Variants in SND1 observed in about 807,000 individuals in gnomAD.
SND1 encodes the protein staphylococcal nuclease and tudor domain containing 1, also known as staphylococcal nuclease domain-containing protein 1.
A neutral mutation model predicts 121.7 loss-of-function variants in SND1; 38 were observed. The observed-to-expected ratio is 0.31, with a 90% CI of 0.24 to 0.41. The LOEUF (loss-of-function observed/expected upper bound fraction) is 0.41, where lower values mean the gene tolerates loss of function less well. Ranked by LOEUF, SND1 falls within the 10% of genes least tolerant of loss-of-function variation. SND1 has a pLI of 1.00. For synonymous variants in SND1, 401 were observed against 447.4 expected (o/e 0.90, Z 1.31); for missense variants, 868 against 1,184.6 (o/e 0.73, Z 3.92).
intron 16 of SND1, among the ~76,000 whole-genome samples, chr7:128,034,561 C>T (rs746880247): frequency 7.2e-5 from 11 of 152,212 alleles, no homozygotes; most frequent in Non-Finnish European, 1.5e-4. Flanking sequence ...GTCTGTTCAG[C>T]TCCAGGCTCC....
At chr7:127,859,502 G>A (rs1304236902) in intron 12 of SND1, among the ~76,000 whole-genome samples, 1 of 152,148 alleles carries the variant, frequency 6.6e-6, no homozygotes, top group Admixed American at 6.5e-5. Context: ...AGAATTCTCA[G>A]GGTCGTGTTC....
chr7:127,705,068 G>A, intron 8 of SND1, 123 bp downstream of exon 8: 2 of 770,650 alleles, frequency 2.6e-6, no homozygotes, highest in Non-Finnish European at 4.5e-6. Context: ...AAAGGAGTAG[G>A]GCAGTTCCTT....
chr7:127,992,322 C>T (rs1024231202), intron 16 of SND1, among the ~76,000 whole-genome samples: 14 of 152,170 alleles, frequency 9.2e-5, no homozygotes, highest in African/African-American at 2.9e-4. Context: ...AAAATAACCC[C>T]GTGCAAGAGA....
rs576561221 is a variant in SND1 at position 127,920,401 on chromosome 7, G to A, written c.1528-8787G>A. 9.8e-5 allele frequency among the ~76,000 whole-genome samples: 15 copies of A among 152,290 alleles called. No individual in the cohort carries two copies. The South Asian group carries it at 3.1e-3, about 32-fold the overall frequency. On this transcript the variant is annotated intron_variant, in intron 14 of 23. Transcript: ENST00000354725. ...GAATCCTAGCAAGCCACCCTGCAGA[G>A]GTCGCAGGAGGATGGAAGAACTCTT...
Position 128,075,157 on chromosome 7 carries a change from A to G in SND1, c.1968+467A>G, listed in dbSNP as rs570891124. On this transcript the variant is annotated intron_variant, in intron 17 of 23. Transcript: ENST00000354725. Reference sequence around the variant, plus strand: ...CTCTAGCTGTTAGGACAAGAGATTTATAGCCCATCAGTCTCTGTGGGCACC... The same window carrying G: ...CTCTAGCTGTTAGGACAAGAGATTTGTAGCCCATCAGTCTCTGTGGGCACC... Among the ~76,000 whole-genome samples the G allele has an allele frequency of 3.3e-5, 5 of 152,334 alleles. No homozygotes were observed. The South Asian group carries it at 8.3e-4, about 25-fold the overall frequency.
At chr7:127,726,898 C>T (rs1250871646) in intron 10 of SND1, among the ~76,000 whole-genome samples, 1 of 152,164 alleles carries the variant, frequency 6.6e-6, no homozygotes, top group Non-Finnish European at 1.5e-5. Flanking sequence ...CTGTCTCTCC[C>T]ATTCTCTGTC....
At chr7:127,748,112 A>C (rs367752147) in intron 10 of SND1, among the ~76,000 whole-genome samples, 10 of 152,208 alleles carry the variant, frequency 6.6e-5, no homozygotes, top group Non-Finnish European at 1.2e-4. Context: ...AACTTGCATG[A>C]AAATAGGATA....
At chr7:127,701,345 A>G in intron 5 of SND1, 22 bp downstream of exon 5, 4 of 1,608,468 alleles carry the variant, frequency 2.5e-6, no homozygotes, top group East Asian at 4.5e-5. Flanking sequence ...GGGAACAGAC[A>G]GATACGACTC....
chr7:128,068,816 A>T (rs1470789488), intron 16 of SND1, among the ~76,000 whole-genome samples: 1 of 152,202 alleles, frequency 6.6e-6, no homozygotes, highest in Admixed American at 6.5e-5. Flanking sequence ...CTTCCTCGGT[A>T]ATTAGGAGAC....
At chr7:127,957,539 G>C (rs1049071869) in intron 15 of SND1, among the ~76,000 whole-genome samples, 2 of 152,096 alleles carry the variant, frequency 1.3e-5, no homozygotes, top group Non-Finnish European at 2.9e-5. Context: ...TATTCCACTT[G>C]TTATGTACCT....
At chr7:127,745,153 T>G (rs1312944279) in intron 10 of SND1, among the ~76,000 whole-genome samples, 1 of 152,158 alleles carries the variant, frequency 6.6e-6, no homozygotes, top group Non-Finnish European at 1.5e-5. Context: ...TTAGGTGATT[T>G]TGACGCACAA....
rs1477688244 is a variant in SND1 at position 128,092,079 on chromosome 7, C to T, written c.*21C>T. 2 of 1,613,466 alleles carry T rather than the reference C, an allele frequency of 1.2e-6. No individual in the cohort carries two copies. Among genetic ancestry groups the T allele is most frequent in the Admixed American group, 3.3e-5 (2 of 60,024 alleles). The stretch of plus-strand genomic sequence containing the variant: ...GCTAAGGAGGGGATCGGGTTTGGCC[C>T]CCAGCCCCGCTCACGCCAGTCCCTC... On this transcript the variant is annotated 3_prime_UTR_variant, in exon 24 of 24. Coordinates refer to ENST00000354725, the MANE Select transcript of SND1 (RefSeq NM_014390.4). This position sits in a 1 kb window ranked among gnomAD's most constrained non-coding sequence, Gnocchi z 4.9.
intron 10 of SND1, among the ~76,000 whole-genome samples, chr7:127,767,159 T>C (rs1479686727): frequency 2.0e-5 from 3 of 152,202 alleles, no homozygotes; most frequent in African/African-American, 4.8e-5. Context: ...CATTCCTTTA[T>C]CTTTGGGACA....
chr7:128,042,573 T>G (rs539271388), intron 16 of SND1: 1 of 152,514 alleles, frequency 6.6e-6, no homozygotes, highest in South Asian at 2.1e-4. Context: ...TGCTCAGCAC[T>G]GCTGCCCGTC....
At chr7:127,908,105 G>A (rs1433716456) in intron 14 of SND1, among the ~76,000 whole-genome samples, 1 of 152,076 alleles carries the variant, frequency 6.6e-6, no homozygotes, top group East Asian at 1.9e-4. Context: ...CAGAACATCT[G>A]CATATAACAC....
At chr7:127,983,704 A>G (rs1802320133) in intron 15 of SND1, among the ~76,000 whole-genome samples, 2 of 152,142 alleles carry the variant, frequency 1.3e-5, no homozygotes, top group South Asian at 4.1e-4. Context: ...TTCAATATTC[A>G]ATAATATTGA....
At chr7:127,890,571 G>T (rs1189664526) in intron 13 of SND1, among the ~76,000 whole-genome samples, 1 of 152,088 alleles carries the variant, frequency 6.6e-6, no homozygotes, top group Non-Finnish European at 1.5e-5. Context: ...TATTTTCCAT[G>T]CAGGCTTCAC....
intron 21 of SND1, among the ~76,000 whole-genome samples, chr7:128,087,830 C>T (rs1793710904): frequency 6.6e-6 from 1 of 152,130 alleles, no homozygotes; most frequent in Admixed American, 6.5e-5. Flanking sequence ...GCAGCATATG[C>T]AGCCAGAAAG....
chr7:127,963,323 A>G (rs1801777081), intron 15 of SND1, among the ~76,000 whole-genome samples: 3 of 147,920 alleles, frequency 2.0e-5, no homozygotes, highest in African/African-American at 5.0e-5. Context: ...TTACATATGT[A>G]TACATGTGCC....
Sources: gnomAD v4.1 joint callset for allele counts (sites outside exome capture counted in the v4.1 genomes callset) on GRCh38, gnomAD v4.1.1 for gene constraint, Gnocchi (gnomAD v3.1) non-coding constraint, MANE v1.5 for transcripts, NCBI Gene and HGNC (gene_info 2026-07-23, HGNC 2026-07-21) for gene names.